DCAF12: variants seen among roughly 807,000 people sequenced by gnomAD.
DCAF12 encodes DDB1 and CUL4 associated factor 12.
In DCAF12, 28 loss-of-function variants were observed where a neutral mutation model predicts 52.8. The ratio of observed to expected loss-of-function variants is 0.53; its 90% confidence interval spans 0.39 to 0.73. The LOEUF (loss-of-function observed/expected upper bound fraction) is 0.73. DCAF12 is among the 30% of genes least tolerant of loss of function. The pLI is 0.00. For missense variants in DCAF12, 425 were observed against 552.2 expected (o/e 0.77, Z 2.31); for synonymous variants, 196 against 215.5 (o/e 0.91, Z 0.79).
At chr9:34,119,476 C>T (rs1272741868) in intron 2 of DCAF12, among the ~76,000 whole-genome samples, 2 of 152,138 alleles carry the variant, frequency 1.3e-5, no homozygotes, top group African/African-American at 2.4e-5. Flanking sequence ...CTGAATTCTT[C>T]GCACATTACA....
intron 1 of DCAF12, among the ~76,000 whole-genome samples, chr9:34,125,930 C>T (rs1166093810): frequency 2.0e-5 from 3 of 152,118 alleles, no homozygotes; most frequent in South Asian, 4.1e-4. Flanking sequence ...AGGCCCAGCT[C>T]AGGGTTGGGT....
chr9:34,118,682 G>A (rs1191299308), intron 2 of DCAF12, among the ~76,000 whole-genome samples: 1 of 152,130 alleles, frequency 6.6e-6, no homozygotes, highest in African/African-American at 2.4e-5. Flanking sequence ...ATGATAATAT[G>A]GCCGGGCGTG....
At chr9:34,121,851 G>A (rs1470007084) in intron 2 of DCAF12, among the ~76,000 whole-genome samples, 3 of 152,174 alleles carry the variant, frequency 2.0e-5, no homozygotes, top group Non-Finnish European at 4.4e-5. Flanking sequence ...GCTGAGGCGG[G>A]AGAATCGATT....
intron 2 of DCAF12, 61 bp from the exon 3 acceptor site, chr9:34,107,626 A>C (rs1054415069): frequency 1.3e-5 from 19 of 1,424,094 alleles, no homozygotes; most frequent in Non-Finnish European, 1.8e-5. Flanking sequence ...TACAGGGTAT[A>C]AACATCCTTT....
chr9:34,094,809 C>T (rs12379544), intron 6 of DCAF12, among the ~76,000 whole-genome samples: 13,769 of 152,036 alleles, frequency 0.091, 894 homozygotes, highest in Non-Finnish European at 0.13. Context: ...GGATTATAGG[C>T]GTGAGCCACC....
intron 2 of DCAF12, among the ~76,000 whole-genome samples, chr9:34,108,565 G>A (rs1828941612): frequency 6.6e-6 from 1 of 152,092 alleles, no homozygotes; most frequent in Non-Finnish European, 1.5e-5. Flanking sequence ...GCCAAGGCGG[G>A]CGGATCACCA....
intron 4 of DCAF12, among the ~76,000 whole-genome samples, chr9:34,103,506 C>T (rs1360196979): frequency 2.0e-5 from 3 of 152,056 alleles, no homozygotes; most frequent in Non-Finnish European, 4.4e-5. Context: ...ATTCGGAACA[C>T]TCAGTATGTT....
chr9:34,088,755 G>A (rs1398048554), intron 8 of DCAF12, among the ~76,000 whole-genome samples: 1 of 152,140 alleles, frequency 6.6e-6, no homozygotes, highest in Admixed American at 6.6e-5. Context: ...AGGAGACTTA[G>A]AACCAAAGTT....
At chr9:34,093,205 T>C in intron 7 of DCAF12, 81 bp downstream of exon 7, 1 of 1,545,038 alleles carries the variant, frequency 6.5e-7, no homozygotes, top group Non-Finnish European at 8.9e-7. Flanking sequence ...CTATACCTGT[T>C]TGGAAACCAA....
chr9:34,092,414 G>A (rs1237254735), intron 7 of DCAF12, among the ~76,000 whole-genome samples: 2 of 152,214 alleles, frequency 1.3e-5, no homozygotes, highest in East Asian at 3.8e-4. Flanking sequence ...TCGGCCAGGT[G>A]CAGTGGCTCA....
rs781102885 is a variant in DCAF12, at chr9:34,088,442, G to A, written c.1270C>T (p.His424Tyr). The A allele has an allele frequency of 5.0e-6, 8 of 1,614,050 alleles. No individual in the cohort carries two copies. The highest frequency in any genetic ancestry group is 6.8e-6 in the Non-Finnish European group (8 of 1,180,020). The change falls in exon 9 of 9, where the codon CAC (histidine) becomes TAC (tyrosine). Residue 424 changes from histidine (H) to tyrosine (Y), a missense_variant. Coordinates refer to ENST00000361264, the MANE Select transcript of DCAF12 (RefSeq NM_015397.4). ...TTCGTTCCAGACGAGTCGTAGCAGT[G>A]GGTGTAAACAGCATTGGGGAAGAAG... ...IDFFPNAVYTHCYDSSGTKLF... is the reference protein window; with the variant it reads ...IDFFPNAVYTYCYDSSGTKLF...
rs1828919743 is a variant in DCAF12, at chr9:34,107,350, A to C, written c.540+9T>G. ...GCTCCCTCCAACTACAACTACTGGG[A>C]AAACTTACATCTCCTACACACACAG... On this transcript the variant is annotated intron_variant, in intron 3 of 8. Transcript: ENST00000361264. 1 of 1,613,588 alleles carries C rather than the reference A, an allele frequency of 6.2e-7. No homozygotes were observed. Among genetic ancestry groups the C allele is most frequent in the Non-Finnish European group, 8.5e-7 (1 of 1,179,804 alleles).
At position 34,093,304 on chromosome 9, in the gene DCAF12, A is replaced by G. The variant is rs1828678119; in HGVS notation, c.1006T>C (p.Ser336Pro). 1 of 1,614,230 alleles carries G rather than the reference A, an allele frequency of 6.2e-7. No homozygotes were observed. The highest frequency in any genetic ancestry group is 2.2e-5 in the East Asian group (1 of 44,888). Residue 336 changes from serine (S) to proline (P), a missense_variant, in exon 7 of 9, where the codon TCC becomes CCC. This residue lies in a region of DCAF12 where 328 missense variants were observed against 444.4 expected (regional missense o/e 0.74). Coordinates refer to ENST00000361264, the MANE Select transcript of DCAF12 (RefSeq NM_015397.4). Reference sequence around the variant, plus strand: ...CTCTTACCACTGCCTCGCTCCCTGGAACAGACAGACTTGACGTTGTATGAT... The same window carrying G: ...CTCTTACCACTGCCTCGCTCCCTGGGACAGACAGACTTGACGTTGTATGAT... The part of the protein sequence containing the change: ...QPSYNVKSVC[S>P]RERGSGIRSV...
At chr9:34,122,949 C>T (rs542123539) in intron 2 of DCAF12, among the ~76,000 whole-genome samples, 2 of 152,288 alleles carry the variant, frequency 1.3e-5, no homozygotes, top group East Asian at 1.9e-4. Flanking sequence ...TCTGAATTTG[C>T]GTAAGTCTAA....
intron 4 of DCAF12, among the ~76,000 whole-genome samples, chr9:34,100,191 T>C (rs978344289): frequency 3.5e-5 from 5 of 144,826 alleles, no homozygotes; most frequent in Non-Finnish European, 7.6e-5. Flanking sequence ...TGCACCCCCA[T>C]GACTGGCTTT....
At chr9:34,117,374 TCTC>T (rs943950179) in intron 2 of DCAF12, among the ~76,000 whole-genome samples, 2 of 151,624 alleles carry the variant, frequency 1.3e-5, no homozygotes, top group African/African-American at 4.8e-5. Flanking sequence ...ATGGTCTTGA[TCTC>T]CTCACCTCGT....
At position 34,096,705 on chromosome 9, in the gene DCAF12, G is replaced by C. The variant is rs1360227158; in HGVS notation, c.861+11C>G. The C allele has an allele frequency of 1.4e-5, 23 of 1,611,806 alleles. No homozygotes were observed. Among genetic ancestry groups the C allele is most frequent in the Non-Finnish European group, 1.9e-5 (22 of 1,178,606 alleles). ...TTATTAGGTAAAACCACAAAATCAT[G>C]TTCATCACACCTTAGATAGTGTATT... On this transcript the variant is annotated intron_variant, in intron 6 of 8. Coordinates refer to ENST00000361264, the MANE Select transcript of DCAF12 (RefSeq NM_015397.4).
At chr9:34,100,079 G>A (rs1241883064) in intron 4 of DCAF12, among the ~76,000 whole-genome samples, 3 of 151,856 alleles carry the variant, frequency 2.0e-5, no homozygotes, top group Non-Finnish European at 2.9e-5. Context: ...GCCCAGGGTA[G>A]ACAGGGCAAT....
intron 6 of DCAF12, chr9:34,096,302 C>T (rs764709514): frequency 3.2e-5 from 5 of 155,374 alleles, no homozygotes; most frequent in Admixed American, 6.4e-5. Flanking sequence ...TCGCTTATGC[C>T]CAGGAGTTCA....
Sources: allele counts gnomAD v4.1 joint callset (sites outside exome capture counted in the v4.1 genomes callset), GRCh38; gene constraint gnomAD v4.1.1; regional missense constraint gnomAD v4.1.1; transcripts MANE v1.5; gene names NCBI Gene and HGNC (gene_info 2026-07-23, HGNC 2026-07-21).